The following KCNT2 variants were observed in gnomAD, a reference collection of about 807,000 sequenced individuals.
KCNT2 encodes the protein potassium sodium-activated channel subfamily T member 2, also known as potassium channel subfamily T member 2.
Under a neutral mutation model 153.8 loss-of-function variants are expected in KCNT2, and 67 were observed. That is an observed-to-expected ratio of 0.44 (90% CI 0.36 to 0.53). The LOEUF (loss-of-function observed/expected upper bound fraction) is 0.53. Among genes scored for constraint, KCNT2 ranks in the 20% least tolerant of loss-of-function variants. The probability of loss-of-function intolerance (pLI) is 0.00; values close to 1 mark genes in which losing one functional copy is unlikely to be tolerated. For missense variants in KCNT2, 975 were observed against 1,354.8 expected (o/e 0.72, Z 4.40); for synonymous variants, 500 against 458.8 (o/e 1.09, Z -1.15).
At chr1:196,410,033 C>G (rs567447649) in intron 12 of KCNT2, among the ~76,000 whole-genome samples, 2 of 151,742 alleles carry the variant, frequency 1.3e-5, no homozygotes, top group East Asian at 2.0e-4. Context: ...TTGCATTTCC[C>G]TGATAATTAA....
At chr1:196,448,245 T>A (rs1191068746) in intron 8 of KCNT2, among the ~76,000 whole-genome samples, 1 of 151,616 alleles carries the variant, frequency 6.6e-6, no homozygotes, top group Non-Finnish European at 1.5e-5. Flanking sequence ...AGATAATAAG[T>A]ATCTCAGTGT....
At chr1:196,417,431 A>T (rs188094977) in intron 12 of KCNT2, among the ~76,000 whole-genome samples, 22 of 152,250 alleles carry the variant, frequency 1.4e-4, no homozygotes, top group African/African-American at 5.3e-4. Flanking sequence ...TCCATAACAT[A>T]TAAGTGCAGC....
chr1:196,519,203 A>G (rs1255156058), intron 1 of KCNT2, among the ~76,000 whole-genome samples: 2 of 152,222 alleles, frequency 1.3e-5, no homozygotes. Context: ...ACTTTGGAGT[A>G]AACAATGAAA....
intron 2 of KCNT2, 140 bp downstream of exon 2, chr1:196,492,122 T>C: frequency 1.2e-6 from 1 of 831,712 alleles, no homozygotes; most frequent in Non-Finnish European, 1.7e-6. Context: ...AAATAACCAA[T>C]TTTATTCCTC....
Position 196,294,308 on chromosome 1 carries a change from G to A in KCNT2, c.2596-8550C>T, listed in dbSNP as rs569639607. Among the ~76,000 whole-genome samples, 27 of 152,124 alleles carry A rather than the reference G, an allele frequency of 1.8e-4. No homozygotes were observed. In the South Asian group the frequency reaches 1.9e-3, roughly 11 times the overall value. ...TTTTTGTTTTTTGAGACTGAATCTC[G>A]CTCTGTCGCCAGGCTAGAGTGCAGT... On this transcript the variant is annotated intron_variant, in intron 22 of 27. Transcript: ENST00000294725.
At chr1:196,286,905 T>C (rs186516803) in intron 22 of KCNT2, among the ~76,000 whole-genome samples, 123 of 152,188 alleles carry the variant, frequency 8.1e-4, no homozygotes, top group African/African-American at 2.9e-3. Flanking sequence ...CTAGGAAGAC[T>C]GATACAGCTG....
At chr1:196,307,715 C>T (rs975073134) in intron 21 of KCNT2, among the ~76,000 whole-genome samples, 2 of 152,042 alleles carry the variant, frequency 1.3e-5, no homozygotes, top group Non-Finnish European at 2.9e-5. Flanking sequence ...ACATGATTTT[C>T]TTTTAGCAGC....
intron 1 of KCNT2, among the ~76,000 whole-genome samples, chr1:196,559,447 T>A (rs945568038): frequency 1.3e-5 from 2 of 151,706 alleles, no homozygotes; most frequent in African/African-American, 2.4e-5. Flanking sequence ...GAACTATGAA[T>A]GTCATTTCAG....
At chr1:196,579,731 G>A (rs1306012075) in intron 1 of KCNT2, among the ~76,000 whole-genome samples, 1 of 151,934 alleles carries the variant, frequency 6.6e-6, no homozygotes. Flanking sequence ...GACCTCATGT[G>A]ATCCACCCAC....
chr1:196,512,205 T>G (rs1681690421), intron 1 of KCNT2, among the ~76,000 whole-genome samples: 1 of 152,180 alleles, frequency 6.6e-6, no homozygotes, highest in African/African-American at 2.4e-5. Context: ...CTTGATTTTC[T>G]TCCTACCTTC....
intron 12 of KCNT2, among the ~76,000 whole-genome samples, chr1:196,414,785 T>A (rs1034309422): frequency 7.2e-5 from 11 of 151,850 alleles, no homozygotes. Context: ...AACTATTTAG[T>A]GTGAGTGAGT....
intron 8 of KCNT2, among the ~76,000 whole-genome samples, chr1:196,442,795 C>A (rs1675356884): frequency 1.3e-5 from 2 of 151,666 alleles, no homozygotes; most frequent in Non-Finnish European, 1.5e-5. Context: ...AAATTCAGAA[C>A]AAATTAACAC....
At position 196,512,390 on chromosome 1, in the gene KCNT2, A is replaced by T. The variant is rs186777914; in HGVS notation, c.96-20049T>A. 2.6e-5 allele frequency among the ~76,000 whole-genome samples: 4 copies of T among 152,266 alleles called. No homozygotes were observed. In the South Asian group the frequency reaches 8.3e-4, roughly 32 times the overall value. The stretch of plus-strand genomic sequence containing the variant: ...ATATATTAATTAAGCTGTCTACTCA[A>T]TATTTCTACTTGGATCTCTATCAGA... On this transcript the variant is annotated intron_variant, in intron 1 of 27. Coordinates refer to ENST00000294725, the MANE Select transcript of KCNT2 (RefSeq NM_198503.5).
chr1:196,360,846 A>G (rs1264262665), intron 14 of KCNT2, among the ~76,000 whole-genome samples: 1 of 152,068 alleles, frequency 6.6e-6, no homozygotes, highest in African/African-American at 2.4e-5. Flanking sequence ...GTAGTTTTCT[A>G]TGGCAGCACT....
At chr1:196,545,039 A>AT (rs1045221899) in intron 1 of KCNT2, among the ~76,000 whole-genome samples, 5 of 152,122 alleles carry the variant, frequency 3.3e-5, no homozygotes, top group Non-Finnish European at 5.9e-5. Context: ...TTAGCAAAAT[A>AT]TTTTTTAAAA....
At chr1:196,231,339 T>C (rs1571728137) in intron 27 of KCNT2, among the ~76,000 whole-genome samples, 1 of 151,868 alleles carries the variant, frequency 6.6e-6, no homozygotes, top group African/African-American at 2.4e-5. Flanking sequence ...ATTGTGGTAG[T>C]CTGGAACCAA....
At chr1:196,544,775 C>T (rs1279015953) in intron 1 of KCNT2, among the ~76,000 whole-genome samples, 2 of 151,984 alleles carry the variant, frequency 1.3e-5, no homozygotes, top group Admixed American at 6.6e-5. Flanking sequence ...AAAAGAATGC[C>T]CTGAGCAGCA....
At chr1:196,237,175 TAAACA>T (rs1654519028) in intron 26 of KCNT2, among the ~76,000 whole-genome samples, 2 of 151,700 alleles carry the variant, frequency 1.3e-5, no homozygotes, top group Admixed American at 1.3e-4. Context: ...CTGACCCTGA[TAAACA>T]ATTTGCTGCA....
At chr1:196,446,368 C>T (rs756874156) in intron 8 of KCNT2, among the ~76,000 whole-genome samples, 1 of 151,340 alleles carries the variant, frequency 6.6e-6, no homozygotes, top group Non-Finnish European at 1.5e-5. Flanking sequence ...TTATCAATGT[C>T]ATAGAATAAC....
Sources: gnomAD v4.1 joint callset for allele counts (sites outside exome capture counted in the v4.1 genomes callset) on GRCh38, gnomAD v4.1.1 for gene constraint, MANE v1.5 for transcripts, NCBI Gene and HGNC (gene_info 2026-07-23, HGNC 2026-07-21) for gene names.